Variants in MAN2B1 observed in about 807,000 individuals in gnomAD.
MAN2B1 encodes mannosidase alpha class 2B member 1.
A neutral mutation model predicts 127.5 loss-of-function variants in MAN2B1; 99 were observed. The ratio of observed to expected loss-of-function variants is 0.78; its 90% CI spans 0.66 to 0.92. The LOEUF (loss-of-function observed/expected upper bound fraction) is 0.92. MAN2B1 is among the 40% of genes least tolerant of loss of function. The pLI is 0.00. For synonymous variants in MAN2B1, 573 were observed against 568.8 expected (o/e 1.01, Z -0.11); for missense variants, 1,304 against 1,384.8 (o/e 0.94, Z 0.93).
chr19:12,651,551 T>C (rs2023841398), intron 16 of MAN2B1, among the ~76,000 whole-genome samples: 1 of 152,232 alleles, frequency 6.6e-6, no homozygotes, highest in South Asian at 2.1e-4. Flanking sequence ...GGTAACTCTG[T>C]TAGAACAGGC....
intron 7 of MAN2B1, chr19:12,660,951 G>A (rs575257925): frequency 1.1e-5 from 4 of 355,562 alleles, no homozygotes; most frequent in South Asian, 2.2e-5. Flanking sequence ...TAGAGACAGC[G>A]TTTCACCATG....
intron 14 of MAN2B1, 35 bp downstream of exon 14, chr19:12,655,659 C>T (rs765862201): frequency 6.3e-7 from 1 of 1,593,546 alleles, no homozygotes; most frequent in Non-Finnish European, 8.6e-7. Context: ...AAATTTGTCA[C>T]AGGAGCAGGA....
chr19:12,649,086 G>A (rs772831871), intron 20 of MAN2B1, 50 bp downstream of exon 20: 12 of 1,497,280 alleles, frequency 8.0e-6, no homozygotes, highest in Non-Finnish European at 1.1e-5. Flanking sequence ...GGTCCAGCAG[G>A]GGTCCAGGTT....
rs143318498 is a variant in MAN2B1, at chr19:12,656,955, C to A, written c.1521G>T (p.Ala507=). The change falls in exon 12 of 24, where the codon GCG becomes GCT. Residue 507 remains alanine (A), a synonymous_variant. Transcript: ENST00000456935. The part of the protein sequence containing the change: ...NISICPLSQT[A]ARFQVIVYNP... The stretch of plus-strand genomic sequence containing the variant: ...CCCTCCCGTCCCGGCTCACGCGCGC[C>A]GCCGTCTGGCTGAGCGGGCAGATGC... 2,217 of 1,612,984 alleles carry A rather than the reference C, an allele frequency of 1.4e-3. 5 individuals carry two copies. The highest frequency in any genetic ancestry group is 3.8e-3 in the Middle Eastern group (23 of 6,062).
In MAN2B1 at chr19:12,658,396, A is replaced by AC. The variant is rs545310101; in HGVS notation, c.1109+31dup. 88 of 1,613,930 alleles carry AC rather than the reference A, an allele frequency of 5.5e-5. No individual in the cohort carries two copies. The South Asian group carries it at 7.7e-4, about 14-fold the overall frequency. On this transcript the variant is annotated intron_variant, in intron 8 of 23. Transcript: ENST00000456935. ...GGGTCATGACCCACGGGGCATGCCA[A>AC]CCCCCCCAAGCTCCCCAGTTTCCCC...
intron 16 of MAN2B1, among the ~76,000 whole-genome samples, chr19:12,651,549 T>C (rs980158709): frequency 3.3e-5 from 5 of 152,244 alleles, no homozygotes; most frequent in African/African-American, 4.8e-5. Context: ...TGGGTAACTC[T>C]GTTAGAACAG....
Position 12,661,343 on chromosome 19 carries a change from T to A in MAN2B1, c.943A>T (p.Thr315Ser). ...RYYRTNHTVM[T>S]MGSDFQYENA... The stretch of plus-strand genomic sequence containing the variant: ...TCATATTGGAAGTCCGAGCCCATGG[T>A]CATCACAGTGTGGTTGGTGCGGTAA... Residue 315 changes from threonine to serine, a missense_variant, in exon 7 of 24, where the codon ACC (threonine) becomes TCC (serine). Transcript: ENST00000456935. 1 of 1,614,022 alleles carries A rather than the reference T, an allele frequency of 6.2e-7. No individual in the cohort carries two copies.
chr19:12,661,199 C>T, intron 7 of MAN2B1, 61 bp downstream of exon 7: 3 of 1,193,240 alleles, frequency 2.5e-6, no homozygotes, highest in South Asian at 1.2e-5. Context: ...TGCACATAAC[C>T]CAAGGCCCCC....
At chr19:12,657,931 G>A in intron 10 of MAN2B1, 132 bp downstream of exon 10, 1 of 845,662 alleles carries the variant, frequency 1.2e-6, no homozygotes. Context: ...CTCCAGCCTG[G>A]GAGACAAATC....
chr19:12,650,297 T>G, intron 16 of MAN2B1, 75 bp from the exon 17 acceptor site: 1 of 902,640 alleles, frequency 1.1e-6, no homozygotes, highest in South Asian at 1.3e-5. Flanking sequence ...CCCCCAACCC[T>G]GGCCATAAAC....
In MAN2B1 at chr19:12,647,800, G is replaced by T; in HGVS notation, c.2665-202C>A. 1 of 607,660 alleles carries T rather than the reference G, an allele frequency of 1.6e-6. No homozygotes were observed. Among genetic ancestry groups the T allele is most frequent in the Non-Finnish European group, 2.9e-6 (1 of 343,954 alleles). The allele number at this position is 607,660 out of a possible 1,614,324, so 37.6% of individuals were successfully genotyped here. On this transcript the variant is annotated intron_variant, in intron 21 of 23. Coordinates refer to ENST00000456935, the MANE Select transcript of MAN2B1 (RefSeq NM_000528.4). This position sits in a 1 kb window ranked among gnomAD's most constrained non-coding sequence, Gnocchi z 4.9. ...GGAGATGGGTCGGTCCCAAGCTTAG[G>T]GTTCGAGTCCCGATGGAGCAGAACT...
intron 14 of MAN2B1, among the ~76,000 whole-genome samples, chr19:12,654,094 A>G (rs187451247): frequency 7.1e-4 from 104 of 147,060 alleles, no homozygotes; most frequent in African/African-American, 2.4e-3. Context: ...CCAGGCTGGA[A>G]TGCAGTGGCG....
At chr19:12,661,445 T>C in intron 6 of MAN2B1, 69 bp from the exon 7 acceptor site, 1 of 1,053,588 alleles carries the variant, frequency 9.5e-7, no homozygotes, top group Non-Finnish European at 1.5e-6. Context: ...TGTGTTTTGA[T>C]GTATATGGGG....
intron 7 of MAN2B1, among the ~76,000 whole-genome samples, chr19:12,660,645 C>T (rs928235727): frequency 4.0e-5 from 6 of 151,816 alleles, no homozygotes; most frequent in Non-Finnish European, 5.9e-5. Flanking sequence ...ATGTGGGTAA[C>T]TTCTAGATGT....
Position 12,652,618 on chromosome 19 carries a change from A to C in MAN2B1, c.1831-158T>G, listed in dbSNP as rs4804205. Among the ~76,000 whole-genome samples the C allele has an allele frequency of 0.52, 75,069 of 143,398 alleles. 21,680 individuals are homozygous for C. Among genetic ancestry groups the C allele is most frequent in the Non-Finnish European group, 0.67 (44,756 of 66,878 alleles). The allele number at this position is 143,398 out of a possible 152,430, so 94.1% of individuals were successfully genotyped here. A position where few individuals can be genotyped will look rare whatever the true frequency, so the allele number is the denominator to read the frequency against. On this transcript the variant is annotated intron_variant, in intron 14 of 23. Coordinates refer to ENST00000456935, the MANE Select transcript of MAN2B1 (RefSeq NM_000528.4). Reference sequence around the variant, plus strand: ...GCAATCTTGGCTCACTGCACCCCCCACCTCCCGGGTTCAAGTGATTCTCGT... The same window carrying C: ...GCAATCTTGGCTCACTGCACCCCCCCCCTCCCGGGTTCAAGTGATTCTCGT...
intron 6 of MAN2B1, 46 bp downstream of exon 6, chr19:12,663,271 T>A: frequency 6.2e-7 from 1 of 1,610,226 alleles, no homozygotes; most frequent in Non-Finnish European, 8.5e-7. Context: ...AAAGAGCTCA[T>A]TGTATTGTAT....
intron 1 of MAN2B1, 100 bp downstream of exon 1, chr19:12,666,443 A>AT: frequency 7.5e-7 from 1 of 1,339,972 alleles, no homozygotes; most frequent in Non-Finnish European, 1.0e-6. Context: ...ATCATCAGCC[A>AT]TTCACTAGAC....
At chr19:12,666,497 G>A (rs769250304) in intron 1 of MAN2B1, 46 bp downstream of exon 1, 2 of 1,555,300 alleles carry the variant, frequency 1.3e-6, no homozygotes, top group African/African-American at 1.4e-5. Context: ...TGTATTCTGG[G>A]TTTCACTCTG....
chr19:12,650,973 C>CTTT (rs60721799), intron 16 of MAN2B1, among the ~76,000 whole-genome samples: 1,781 of 130,230 alleles, frequency 0.014, 49 homozygotes, highest in African/African-American at 0.05. Context: ...CACCCGGCCT[C>CTTT]TTTTTTTTTT....
Sources: gnomAD v4.1 joint callset for allele counts (sites outside exome capture counted in the v4.1 genomes callset) on GRCh38, gnomAD v4.1.1 for gene constraint, Gnocchi (gnomAD v3.1) non-coding constraint, MANE v1.5 for transcripts, NCBI Gene and HGNC (gene_info 2026-07-23, HGNC 2026-07-21) for gene names.